The following HTT-AS variants were observed in gnomAD, a reference collection of about 807,000 sequenced individuals.
HTT-AS encodes HTT antisense RNA (head to head).
intron 2 of HTT-AS, among the ~76,000 whole-genome samples, chr4:3,056,244 G>A (rs541986358): frequency 6.6e-6 from 1 of 152,308 alleles, no homozygotes; most frequent in Admixed American, 6.5e-5. Context: ...TGAATGATTC[G>A]TGAATTGGGC....
intron 2 of HTT-AS, among the ~76,000 whole-genome samples, chr4:3,055,910 G>A (rs965376939): frequency 2.0e-5 from 3 of 152,126 alleles, no homozygotes; most frequent in South Asian, 2.1e-4. Flanking sequence ...GATCCAGGCC[G>A]GTTAATTACC....
intron 2 of HTT-AS, among the ~76,000 whole-genome samples, chr4:3,059,970 G>A (rs957236594): frequency 6.9e-6 from 1 of 144,550 alleles, no homozygotes; most frequent in Non-Finnish European, 1.5e-5. Context: ...CACCCAGGCT[G>A]GAGTTCAGTG....
upstream of HTT-AS, chr4:3,074,612 T>TGGCCCCGTCTCCGCCGGCGC: frequency 2.4e-6 from 1 of 424,800 alleles, no homozygotes; most frequent in African/African-American, 2.1e-5. Flanking sequence ...CTGGCCGGCG[T>TGGCCCCGTCTCCGCCGGCGC]GGCCCCGCCT....
At chr4:3,058,274 C>G (rs949259377) in intron 2 of HTT-AS, among the ~76,000 whole-genome samples, 1 of 151,406 alleles carries the variant, frequency 6.6e-6, no homozygotes, top group African/African-American at 2.4e-5. Flanking sequence ...TGTGGTGAGC[C>G]GAGATTGCGC....
intron 2 of HTT-AS, among the ~76,000 whole-genome samples, chr4:3,057,911 C>T (rs1167923921): frequency 6.6e-6 from 1 of 151,912 alleles, no homozygotes; most frequent in Non-Finnish European, 1.5e-5. Context: ...GCGTGAGCCA[C>T]CACGCCCTGC....
At chr4:3,050,638 A>G (rs1385329060) in intron 2 of HTT-AS, among the ~76,000 whole-genome samples, 1 of 152,220 alleles carries the variant, frequency 6.6e-6, no homozygotes, top group Non-Finnish European at 1.5e-5. Context: ...TGACAAGGAA[A>G]TTTGGTTATT....
At chr4:3,060,988 C>T (rs1318467975) in intron 2 of HTT-AS, among the ~76,000 whole-genome samples, 1 of 152,200 alleles carries the variant, frequency 6.6e-6, no homozygotes, top group African/African-American at 2.4e-5. Flanking sequence ...ACTGGGGCAC[C>T]CCTCTCTCTC....
intron 1 of HTT-AS, among the ~76,000 whole-genome samples, chr4:3,066,992 A>C (rs1354172448): frequency 2.0e-5 from 3 of 152,230 alleles, no homozygotes; most frequent in Non-Finnish European, 4.4e-5. Context: ...CAAAGAGGAA[A>C]TTTGCAAAAC....
chr4:3,058,545 G>C (rs1468419858), intron 2 of HTT-AS, among the ~76,000 whole-genome samples: 2 of 151,976 alleles, frequency 1.3e-5, no homozygotes, highest in Non-Finnish European at 2.9e-5. Context: ...TATCAGTAAG[G>C]TCTTTGTGAC....
At chr4:3,059,842 G>C (rs1165640181) in intron 2 of HTT-AS, among the ~76,000 whole-genome samples, 3 of 151,914 alleles carry the variant, frequency 2.0e-5, no homozygotes, top group African/African-American at 7.3e-5. Context: ...CAAAATGCTG[G>C]GATTACAGGC....
At chr4:3,062,967 G>T (rs16843779) in exon 2 of HTT-AS, among the ~76,000 whole-genome samples, 1 of 151,952 alleles carries the variant, frequency 6.6e-6, no homozygotes, top group African/African-American at 2.4e-5. Context: ...CAGTCCAACC[G>T]GACCTTTTAC....
chr4:3,070,752 C>A (rs1459666320), intron 1 of HTT-AS, among the ~76,000 whole-genome samples: 2 of 152,320 alleles, frequency 1.3e-5, no homozygotes, highest in East Asian at 1.9e-4. Flanking sequence ...GTTGGGATTC[C>A]TTTAACTCAG....
chr4:3,073,804 C>T (rs901825764), intron 1 of HTT-AS, among the ~76,000 whole-genome samples: 4 of 152,002 alleles, frequency 2.6e-5, no homozygotes, highest in Admixed American at 2.0e-4. Context: ...AGCTCGCCCA[C>T]CCTCTCCCCG....
intron 1 of HTT-AS, among the ~76,000 whole-genome samples, chr4:3,064,331 T>G (rs1377319363): frequency 6.6e-6 from 1 of 152,000 alleles, no homozygotes; most frequent in African/African-American, 2.4e-5. Context: ...CCTTACCTTG[T>G]GATCCGCCTG....
chr4:3,050,436 T>C (rs1711680881), intron 2 of HTT-AS, among the ~76,000 whole-genome samples: 1 of 152,210 alleles, frequency 6.6e-6, no homozygotes, highest in South Asian at 2.1e-4. Context: ...TTCCAGGAAT[T>C]CTTACCCAGT....
At position 3,068,508 on chromosome 4, in the gene HTT-AS, A is replaced by G. The variant is rs182913863; in HGVS notation, n.114-4808T>C. On this transcript the variant is annotated intron_variant and non_coding_transcript_variant, in intron 1 of 2. Transcript: ENST00000664062. ...TTCTAAAGGATGCTTTCCAGGCAGA[A>G]GAAAATGACCCCAGAGGAAGATCAG... 2.6e-5 allele frequency among the ~76,000 whole-genome samples: 4 copies of G among 152,256 alleles called. No homozygotes were observed. In the East Asian group the frequency reaches 7.7e-4, roughly 29 times the overall value.
intron 2 of HTT-AS, among the ~76,000 whole-genome samples, chr4:3,059,736 C>A (rs991267344): frequency 2.0e-5 from 3 of 151,892 alleles, no homozygotes; most frequent in Non-Finnish European, 2.9e-5. Context: ...CCACACCCAG[C>A]TAATTTTTGT....
At chr4:3,054,589 G>C (rs1486145231) in intron 2 of HTT-AS, among the ~76,000 whole-genome samples, 1 of 152,118 alleles carries the variant, frequency 6.6e-6, no homozygotes, top group African/African-American at 2.4e-5. Context: ...CAAATTGTAG[G>C]TTTGTAAAAA....
intron 2 of HTT-AS, among the ~76,000 whole-genome samples, chr4:3,051,030 TTGTGTGTGTGTGTG>T (rs59615689): frequency 8.4e-4 from 103 of 122,550 alleles, no homozygotes; most frequent in South Asian, 1.8e-3. Context: ...CCCTTACAAT[TTGTGTGTGTGTGTG>T]TGTGTGTGTG....
Sources: allele counts gnomAD v4.1 joint callset (sites outside exome capture counted in the v4.1 genomes callset), GRCh38; gene constraint gnomAD v4.1.1; transcripts MANE v1.5; gene names NCBI Gene and HGNC (gene_info 2026-07-23, HGNC 2026-07-21).